Variants in EPS15 observed in about 807,000 individuals in gnomAD.
EPS15 encodes the protein epidermal growth factor receptor pathway substrate 15.
Under a neutral mutation model 113.8 loss-of-function variants are expected in EPS15, and 72 were observed. The ratio of observed to expected loss-of-function variants is 0.63; its 90% CI spans 0.52 to 0.77. EPS15 has a LOEUF of 0.77. Ranked by LOEUF, EPS15 falls within the 30% of genes least tolerant of loss-of-function variation. The probability of loss-of-function intolerance (pLI) is 0.00; values close to 1 mark genes in which losing one functional copy is unlikely to be tolerated. For missense variants in EPS15, 1,048 were observed against 1,045.8 expected (o/e 1.00, Z -0.03); for synonymous variants, 344 against 363.4 (o/e 0.95, Z 0.61).
At position 51,452,979 on chromosome 1, in the gene EPS15, A is replaced by G. The variant is rs140583863; in HGVS notation, c.562-4844T>C. Among the ~76,000 whole-genome samples the G allele has an allele frequency of 1.4e-4, 21 of 152,318 alleles. No individual in the cohort carries two copies. The East Asian group carries it at 3.7e-3, about 27-fold the overall frequency. On this transcript the variant is annotated intron_variant, in intron 8 of 24. Coordinates refer to ENST00000371733, the MANE Select transcript of EPS15 (RefSeq NM_001981.3). ...TGCTGATGCTGTTTGTCCAGGAACC[A>G]CACTTAACCAAGAATTCTCCTCTCC...
chr1:51,449,834 T>C (rs1007627288), intron 8 of EPS15, among the ~76,000 whole-genome samples: 3 of 151,632 alleles, frequency 2.0e-5, no homozygotes. Flanking sequence ...ATTGTCCTCC[T>C]GTGCATTGAA....
At chr1:51,501,452 T>G (rs1274349777) in intron 1 of EPS15, among the ~76,000 whole-genome samples, 1 of 151,986 alleles carries the variant, frequency 6.6e-6, no homozygotes, top group Non-Finnish European at 1.5e-5. Flanking sequence ...ATTGGTAGTA[T>G]TATTAGTTTT....
At chr1:51,365,777 GA>G (rs2148351298) in intron 22 of EPS15, among the ~76,000 whole-genome samples, 175 bp downstream of exon 22, 1 of 152,146 alleles carries the variant, frequency 6.6e-6, no homozygotes, top group African/African-American at 2.4e-5. Flanking sequence ...GTTATATAAA[GA>G]AATATGTCTA....
intron 8 of EPS15, among the ~76,000 whole-genome samples, chr1:51,456,162 A>G (rs1214230074): frequency 1.3e-5 from 2 of 152,204 alleles, no homozygotes; most frequent in Non-Finnish European, 2.9e-5. Context: ...CATTTATGCT[A>G]TAAAATAAAA....
intron 19 of EPS15, among the ~76,000 whole-genome samples, chr1:51,400,269 G>A (rs199624526): frequency 6.6e-6 from 1 of 152,128 alleles, no homozygotes; most frequent in African/African-American, 2.4e-5. Flanking sequence ...TATAATCTTA[G>A]GAAAACAAAA....
chr1:51,452,700 C>T (rs1557484163), intron 8 of EPS15, among the ~76,000 whole-genome samples: 1 of 152,204 alleles, frequency 6.6e-6, no homozygotes, highest in African/African-American at 2.4e-5. Context: ...AAACCAACAT[C>T]TTCTGGCTAC....
chr1:51,506,766 C>T (rs549914896), intron 1 of EPS15, among the ~76,000 whole-genome samples: 24 of 147,640 alleles, frequency 1.6e-4, no homozygotes, highest in Admixed American at 4.7e-4. Flanking sequence ...TCTTACAAGG[C>T]GCCGCATAAA....
chr1:51,451,214 C>T lies in EPS15; in HGVS notation c.562-3079G>A, dbSNP rs141440749. Among the ~76,000 whole-genome samples the T allele has an allele frequency of 4.1e-3, 626 of 151,836 alleles. 16 individuals are homozygous for T. Among genetic ancestry groups the T allele is most frequent in the African/African-American group, 0.015 (605 of 41,216 alleles). On this transcript the variant is annotated intron_variant, in intron 8 of 24. Coordinates refer to ENST00000371733, the MANE Select transcript of EPS15 (RefSeq NM_001981.3). ...TTAAGAAATTCTAAGATAGGCTGGG[C>T]GTGGTGGCTCACGCCTGTAATCCTA... is the stretch of plus-strand genomic sequence containing the variant.
intron 18 of EPS15, among the ~76,000 whole-genome samples, 157 bp downstream of exon 18, chr1:51,402,278 C>T (rs1347161799): frequency 6.6e-6 from 1 of 152,058 alleles, no homozygotes; most frequent in East Asian, 1.9e-4. Flanking sequence ...ACCCAGGAGG[C>T]GGAGGTTGCA....
rs141796777 is a variant in EPS15, at chr1:51,502,994, G to A, written c.33+16205C>T. ...TGAACTCCAGTCTGGGCGACAGAGT[G>A]AGACTCTGTCTCAAAAAAAAAAAAA... On this transcript the variant is annotated intron_variant, in intron 1 of 24. Transcript: ENST00000371733. 7.7e-3 allele frequency among the ~76,000 whole-genome samples: 1,061 copies of A among 138,276 alleles called. 3 individuals carry two copies. The highest frequency in any genetic ancestry group is 0.012 in the Middle Eastern group (3 of 254). 90.7% of individuals were successfully genotyped at this position (138,276 alleles called of 152,430 possible).
At chr1:51,469,483 G>A (rs1007948051) in intron 4 of EPS15, among the ~76,000 whole-genome samples, 1 of 152,170 alleles carries the variant, frequency 6.6e-6, no homozygotes, top group African/African-American at 2.4e-5. Context: ...CAAAGAAGCT[G>A]AAGCAACTGG....
At position 51,480,504 on chromosome 1, in the gene EPS15, A is replaced by AT. The variant is rs1644001071; in HGVS notation, c.75+768dup. On this transcript the variant is annotated intron_variant, in intron 2 of 24. Coordinates refer to ENST00000371733, the MANE Select transcript of EPS15 (RefSeq NM_001981.3). ...GTAAATCTCTGTAACTCATATTCCC[A>AT]TTTTTTTGTTGTTGTTTGTTTGTTT... Among the ~76,000 whole-genome samples the AT allele has an allele frequency of 4.6e-5, 7 of 152,126 alleles. 1 individual carries two copies. The East Asian group carries it at 1.2e-3, about 25-fold the overall frequency.
At chr1:51,472,736 G>A (rs1030898497) in intron 3 of EPS15, 123 bp downstream of exon 3, 35 of 668,606 alleles carry the variant, frequency 5.2e-5, no homozygotes, top group Non-Finnish European at 9.0e-5. Context: ...TATTAAAATG[G>A]CTTCTATGAC....
In EPS15 at chr1:51,444,846, C is replaced by T. The variant is rs1369436530; in HGVS notation, c.954+43G>A. On this transcript the variant is annotated intron_variant, in intron 11 of 24. Transcript: ENST00000371733. ...TCTGTAATTCGACATAGTATTGTTC[C>T]TTTGAAATTAATACATTCAGGTTTC... 4 of 1,563,922 alleles carry T rather than the reference C, an allele frequency of 2.6e-6. No individual in the cohort carries two copies. The African/African-American group carries it at 4.1e-5, about 16-fold the overall frequency.
intron 18 of EPS15, 143 bp downstream of exon 18, chr1:51,402,292 A>C: frequency 2.1e-6 from 1 of 475,302 alleles, no homozygotes; most frequent in Non-Finnish European, 3.8e-6. Flanking sequence ...GGTTGCAGTG[A>C]GCCGAGATCG....
At chr1:51,500,923 G>A (rs1644400039) in intron 1 of EPS15, among the ~76,000 whole-genome samples, 1 of 151,264 alleles carries the variant, frequency 6.6e-6, no homozygotes, top group African/African-American at 2.4e-5. Context: ...GGTGGAGGCT[G>A]AAGTGAGCCA....
chr1:51,500,220 C>G (rs573371901), intron 1 of EPS15, among the ~76,000 whole-genome samples: 1 of 152,270 alleles, frequency 6.6e-6, no homozygotes, highest in African/African-American at 2.4e-5. Context: ...TTATTTCTAC[C>G]TTTTGGTCAC....
chr1:51,498,920 T>G (rs1644369363), intron 1 of EPS15, among the ~76,000 whole-genome samples: 1 of 152,182 alleles, frequency 6.6e-6, no homozygotes, highest in African/African-American at 2.4e-5. Context: ...TCATAAGGGC[T>G]CCTCCCTTGT....
At chr1:51,394,005 T>C (rs1046065024) in intron 21 of EPS15, among the ~76,000 whole-genome samples, 4 of 152,232 alleles carry the variant, frequency 2.6e-5, no homozygotes, top group African/African-American at 7.2e-5. Flanking sequence ...AACCCATTTG[T>C]ATTTGTAAAG....
Sources: gnomAD v4.1 joint callset for allele counts (sites outside exome capture counted in the v4.1 genomes callset) on GRCh38, gnomAD v4.1.1 for gene constraint, MANE v1.5 for transcripts, NCBI Gene and HGNC (gene_info 2026-07-23, HGNC 2026-07-21) for gene names.